MCHR1: variants seen among roughly 807,000 people sequenced by gnomAD.
MCHR1 encodes the protein melanin concentrating hormone receptor 1.
In MCHR1, 13 loss-of-function variants were observed where a neutral mutation model predicts 20.4. The ratio of observed to expected loss-of-function variants is 0.64; its 90% CI spans 0.41 to 1.01. The LOEUF is 1.01. MCHR1 is among the 50% of genes least tolerant of loss of function. MCHR1 has a pLI of 0.00. For synonymous variants in MCHR1, 215 were observed against 204.4 expected (o/e 1.05, Z -0.44); for missense variants, 472 against 477.0 (o/e 0.99, Z 0.10).
chr22:40,680,725 G>A (rs1051681423), intron 1 of MCHR1: 1 of 984,342 alleles, frequency 1.0e-6, no homozygotes, highest in Non-Finnish European at 1.2e-6. Flanking sequence ...CAGGCATGTT[G>A]TGTCCTTCCA....
At chr22:40,680,388 G>A (rs2056872873) in intron 1 of MCHR1, among the ~76,000 whole-genome samples, 1 of 152,192 alleles carries the variant, frequency 6.6e-6, no homozygotes, top group Admixed American at 6.5e-5. Context: ...AGGCTCAGAA[G>A]ATACCAATCA....
At position 40,681,728 on chromosome 22, in the gene MCHR1, A is replaced by G; in HGVS notation, c.862A>G (p.Thr288Ala). Residue 288 changes from threonine to alanine, a missense_variant, in exon 2 of 2, where the codon ACC becomes GCC. Physicochemically the swap from Thr to Ala is moderately conservative, Grantham distance 58 (BLOSUM62 0). Coordinates refer to ENST00000249016, the MANE Select transcript of MCHR1 (RefSeq NM_005297.4). This position sits in a 1 kb window ranked among gnomAD's most constrained non-coding sequence, Gnocchi z 4.3. ...TQLSISRPTL[T>A]FVYLYNAAIS... ...GTTGTCCATCAGCCGCCCGACCCTC[A>G]CCTTTGTCTACTTATACAATGCGGC... is the stretch of plus-strand genomic sequence containing the variant. The G allele has an allele frequency of 1.2e-6, 2 of 1,614,160 alleles. No individual in the cohort carries two copies. The highest frequency in any genetic ancestry group is 1.1e-5 in the South Asian group (1 of 91,086).
chr22:40,679,803 C>A, intron 1 of MCHR1, 69 bp downstream of exon 1: 1 of 1,533,734 alleles, frequency 6.5e-7, no homozygotes, highest in Non-Finnish European at 9.0e-7. Context: ...ACCCCTGAGC[C>A]AAACTGCTTG....
At position 40,682,613 on chromosome 22, in the gene MCHR1, A is replaced by G. The variant is rs970557329; in HGVS notation, c.*685A>G. On this transcript the variant is annotated 3_prime_UTR_variant, in exon 2 of 2. Coordinates refer to ENST00000249016, the MANE Select transcript of MCHR1 (RefSeq NM_005297.4). ...TGTGGTTGGGGGTCTTAAAACTAAT[A>G]AAAGCTGGGGTCGGGGGGCTTTTGC... is the stretch of plus-strand genomic sequence containing the variant. The G allele has an allele frequency of 6.5e-6, 1 of 154,274 alleles. No individual in the cohort carries two copies. Among genetic ancestry groups the G allele is most frequent in the South Asian group, 2.0e-4 (1 of 4,908 alleles). The allele number at this position is 154,274 out of a possible 1,614,324, so 9.6% of individuals were successfully genotyped here. A position where few individuals can be genotyped will look rare whatever the true frequency, so the allele number is the denominator to read the frequency against.
chr22:40,681,952 C>T lies in MCHR1; in HGVS notation c.*24C>T, dbSNP rs1468517484. ...GATACTTCCCCTGCCACCCTGCACACCTCCAAGTCAGGGCACCACAACACG... is the reference window on the plus strand; with the variant it reads ...GATACTTCCCCTGCCACCCTGCACATCTCCAAGTCAGGGCACCACAACACG... On this transcript the variant is annotated 3_prime_UTR_variant, in exon 2 of 2. Coordinates refer to ENST00000249016, the MANE Select transcript of MCHR1 (RefSeq NM_005297.4). The surrounding 1 kb of genome is among the most constrained non-coding windows in gnomAD (Gnocchi z 4.3). The T allele has an allele frequency of 6.2e-7, 1 of 1,600,776 alleles. No individual in the cohort carries two copies. The highest frequency in any genetic ancestry group is 8.5e-7 in the Non-Finnish European group (1 of 1,179,934).
At position 40,679,869 on chromosome 22, in the gene MCHR1, G is replaced by A. The variant is rs2056870322; in HGVS notation, c.82+135G>A. 4 of 1,064,340 alleles carry A rather than the reference G, an allele frequency of 3.8e-6. No homozygotes were observed. In the Admixed American group the frequency reaches 7.4e-5, roughly 20 times the overall value. The allele number at this position is 1,064,340 out of a possible 1,614,324, so 65.9% of individuals were successfully genotyped here. On this transcript the variant is annotated intron_variant, in intron 1 of 1. Transcript: ENST00000249016. Reference sequence around the variant, plus strand: ...ATCTGTGGTCTGCTTTGCTCTGAGGGGCAGGAGAAAAGGGGGCAATGGTCC... The same window carrying A: ...ATCTGTGGTCTGCTTTGCTCTGAGGAGCAGGAGAAAAGGGGGCAATGGTCC...
chr22:40,680,579 CACACACACACACAT>C (rs755488798), intron 1 of MCHR1, among the ~76,000 whole-genome samples: 1 of 112,854 alleles, frequency 8.9e-6, no homozygotes, highest in Non-Finnish European at 2.1e-5. Context: ...CACGCACACA[CACACACACACACAT>C]ACACAGACAC....
chr22:40,681,595 C>T lies in MCHR1; in HGVS notation c.729C>T (p.Ser243=), dbSNP rs772751601. ...QRMTSSVAPA[S]QRSIRLRTKR... ...TGACGTCCTCAGTGGCCCCCGCCTC[C>T]CAGCGCAGCATCCGGCTGCGGACAA... Residue 243 remains serine (S), a synonymous_variant, in exon 2 of 2, where the codon TCC becomes TCT. Coordinates refer to ENST00000249016, the MANE Select transcript of MCHR1 (RefSeq NM_005297.4). The surrounding 1 kb of genome is among the most constrained non-coding windows in gnomAD (Gnocchi z 4.3). 6.2e-7 allele frequency: 1 copy of T among 1,614,066 alleles called. No homozygotes were observed. Among genetic ancestry groups the T allele is most frequent in the South Asian group, 1.1e-5 (1 of 91,088 alleles).
Position 40,681,396 on chromosome 22 carries a change from C to T in MCHR1, c.530C>T (p.Pro177Leu), listed in dbSNP as rs762669619. ...LWALSFISIT[P>L]VWLYARLIPF... ...GCCCTCTCCTTCATCAGCATCACCC[C>T]TGTGTGGCTGTATGCCAGACTCATC... The change falls in exon 2 of 2, where the codon CCT (proline) becomes CTT (leucine). Residue 177 changes from proline to leucine, a missense_variant. Coordinates refer to ENST00000249016, the MANE Select transcript of MCHR1 (RefSeq NM_005297.4). The surrounding 1 kb of genome is among the most constrained non-coding windows in gnomAD (Gnocchi z 4.3). 5.0e-6 allele frequency: 8 copies of T among 1,614,074 alleles called. No homozygotes were observed. The highest frequency in any genetic ancestry group is 2.2e-5 in the East Asian group (1 of 44,898).
chr22:40,680,332 T>C (rs1274008396), intron 1 of MCHR1: 1 of 186,684 alleles, frequency 5.4e-6, no homozygotes, highest in Non-Finnish European at 1.1e-5. Context: ...TCCAGGCTGC[T>C]GAGCTCCAAC....
In MCHR1 at chr22:40,682,216, A is replaced by G. The variant is rs143358163; in HGVS notation, c.*288A>G. ...CATGTTGGTTTGGATAACCGGTTGC[A>G]CTATATCTGTGAGCTCTCAAATGTC... On this transcript the variant is annotated 3_prime_UTR_variant, in exon 2 of 2. Transcript: ENST00000249016. The G allele has an allele frequency of 2.7e-4, 131 of 476,998 alleles. 1 individual carries two copies. Among genetic ancestry groups the G allele is most frequent in the African/African-American group, 2.5e-3 (127 of 51,158 alleles). 29.5% of individuals were successfully genotyped at this position (476,998 alleles called of 1,614,324 possible).
rs1425832610 is a variant in MCHR1, at chr22:40,681,564, A to G, written c.698A>G (p.Gln233Arg). The change falls in exon 2 of 2, where the codon CAG becomes CGG. Residue 233 changes from glutamine (Q) to arginine (R), a missense_variant. Gln to Arg is a conservative substitution (Grantham distance 43). Transcript: ENST00000249016. The surrounding 1 kb of genome is among the most constrained non-coding windows in gnomAD (Gnocchi z 4.3). ...ACAGCCGCATACGTGAGGATCCTGCAGCGCATGACGTCCTCAGTGGCCCCC... is the reference window on the plus strand; with the variant it reads ...ACAGCCGCATACGTGAGGATCCTGCGGCGCATGACGTCCTCAGTGGCCCCC... ...VITAAYVRIL[Q>R]RMTSSVAPAS... The G allele has an allele frequency of 6.2e-7, 1 of 1,613,528 alleles. No individual in the cohort carries two copies. The highest frequency in any genetic ancestry group is 8.5e-7 in the Non-Finnish European group (1 of 1,180,042).
Position 40,681,899 on chromosome 22 carries a change from G to C in MCHR1, c.1033G>C (p.Glu345Gln). The C allele has an allele frequency of 6.2e-7, 1 of 1,611,076 alleles. No homozygotes were observed. The highest frequency in any genetic ancestry group is 2.2e-5 in the East Asian group (1 of 44,892). ...TGTCAGCAACGCTCAGACGGCTGAC[G>C]AGGAGAGGACAGAAAGCAAAGGCAC... is the stretch of plus-strand genomic sequence containing the variant. The part of the protein sequence containing the change: ...RAVSNAQTAD[E>Q]ERTESKGT The change falls in exon 2 of 2, where the codon GAG (glutamate) becomes CAG (glutamine). Residue 345 changes from glutamate (E) to glutamine (Q), a missense_variant. Physicochemically the swap from Glu to Gln is conservative, Grantham distance 29. Transcript: ENST00000249016. This position sits in a 1 kb window ranked among gnomAD's most constrained non-coding sequence, Gnocchi z 4.3.
At chr22:40,680,886 G>T in intron 1 of MCHR1, 63 bp from the exon 2 acceptor site, 1 of 1,604,184 alleles carries the variant, frequency 6.2e-7, no homozygotes, top group South Asian at 1.1e-5. Flanking sequence ...CATGCCAGCA[G>T]GATGTCAGTT....
Position 40,682,012 on chromosome 22 carries a change from G to T in MCHR1, c.*84G>T, listed in dbSNP as rs200872881. The T allele has an allele frequency of 5.8e-6, 9 of 1,557,640 alleles. No individual in the cohort carries two copies. Among genetic ancestry groups the T allele is most frequent in the Admixed American group, 1.7e-5 (1 of 57,570 alleles). ...GAGATGCTGAGAAAAACCCAAGACC[G>T]CTCGGGAAATGCAGGAAGGCCGGGT... On this transcript the variant is annotated 3_prime_UTR_variant, in exon 2 of 2. Coordinates refer to ENST00000249016, the MANE Select transcript of MCHR1 (RefSeq NM_005297.4).
In MCHR1 at chr22:40,682,020, A is replaced by C; in HGVS notation, c.*92A>C. Reference sequence around the variant, plus strand: ...GAGAAAAACCCAAGACCGCTCGGGAAATGCAGGAAGGCCGGGTTGTGAGGG... The same window carrying C: ...GAGAAAAACCCAAGACCGCTCGGGACATGCAGGAAGGCCGGGTTGTGAGGG... On this transcript the variant is annotated 3_prime_UTR_variant, in exon 2 of 2. Transcript: ENST00000249016. 6.5e-7 allele frequency: 1 copy of C among 1,530,610 alleles called. No homozygotes were observed. The allele number at this position is 1,530,610 out of a possible 1,614,324, so 94.8% of individuals were successfully genotyped here. A position where few individuals can be genotyped will look rare whatever the true frequency, so the allele number is the denominator to read the frequency against.
At position 40,681,565 on chromosome 22, in the gene MCHR1, G is replaced by A. The variant is rs200763611; in HGVS notation, c.699G>A (p.Gln233=). ...CAGCCGCATACGTGAGGATCCTGCA[G>A]CGCATGACGTCCTCAGTGGCCCCCG... ...VITAAYVRIL[Q]RMTSSVAPAS... The change falls in exon 2 of 2, where the codon CAG becomes CAA. Residue 233 remains glutamine (Q), a synonymous_variant. Coordinates refer to ENST00000249016, the MANE Select transcript of MCHR1 (RefSeq NM_005297.4). The surrounding 1 kb of genome is among the most constrained non-coding windows in gnomAD (Gnocchi z 4.3). 6.2e-6 allele frequency: 10 copies of A among 1,613,412 alleles called. No homozygotes were observed. Among genetic ancestry groups the A allele is most frequent in the Non-Finnish European group, 8.5e-6 (10 of 1,180,060 alleles).
Position 40,681,830 on chromosome 22 carries a change from T to C in MCHR1, c.964T>C (p.Leu322=), listed in dbSNP as rs201758447. 10 of 1,614,060 alleles carry C rather than the reference T, an allele frequency of 6.2e-6. No homozygotes were observed. In the African/African-American group the frequency reaches 8.0e-5, roughly 13 times the overall value. ...IVLCETFRKR[L]VLSVKPAAQG... ...GCTCTGTGAGACGTTCCGCAAACGC[T>C]TGGTCCTGTCGGTGAAGCCTGCAGC... Residue 322 remains leucine, a synonymous_variant, in exon 2 of 2, where the codon TTG becomes CTG. Transcript: ENST00000249016. The surrounding 1 kb of genome is among the most constrained non-coding windows in gnomAD (Gnocchi z 4.3).
Position 40,681,005 on chromosome 22 carries a change from T to C in MCHR1, c.139T>C (p.Phe47Leu), listed in dbSNP as rs2056876568. ...CATCAACATCATCATGCCTTCGGTG[T>C]TCGGCACCATCTGCCTCCTGGGCAT... ...SYINIIMPSV[F>L]GTICLLGIIG... Residue 47 changes from phenylalanine (F) to leucine (L), a missense_variant, in exon 2 of 2, where the codon TTC becomes CTC. By Grantham distance (22) the Phe-to-Leu change is conservative. Transcript: ENST00000249016. The surrounding 1 kb of genome is among the most constrained non-coding windows in gnomAD (Gnocchi z 4.3). 6.2e-7 allele frequency: 1 copy of C among 1,614,062 alleles called. No individual in the cohort carries two copies. Among genetic ancestry groups the C allele is most frequent in the African/African-American group, 1.3e-5 (1 of 74,926 alleles).
Sources: allele counts gnomAD v4.1 joint callset (sites outside exome capture counted in the v4.1 genomes callset), GRCh38; gene constraint gnomAD v4.1.1; non-coding constraint Gnocchi (gnomAD v3.1); transcripts MANE v1.5; gene names NCBI Gene and HGNC (gene_info 2026-07-23, HGNC 2026-07-21).